Variants in KSR2 observed in about 807,000 individuals in gnomAD.
KSR2 encodes the protein kinase suppressor of ras 2.
In KSR2, 25 loss-of-function variants were observed where a neutral mutation model predicts 107.8. That is an observed-to-expected ratio of 0.23 (90% confidence interval 0.17 to 0.32). The LOEUF is 0.32. Among genes scored for constraint, KSR2 ranks in the 10% least tolerant of loss-of-function variants. The pLI, the probability that KSR2 is intolerant of heterozygous loss-of-function variation, is 1.00. For missense variants in KSR2, 887 were observed against 1,268.9 expected, an observed-to-expected ratio of 0.70 and a Z score of 4.57; for synonymous variants, 480 against 507.0, an observed-to-expected ratio of 0.95 and a Z score of 0.71.
Position 117,454,650 on chromosome 12 carries a change from AC to A in KSR2, c.*12548del, listed in dbSNP as rs1344257945. 8 of 152,070 alleles carry A rather than the reference AC, an allele frequency of 5.3e-5. No homozygotes were observed. Among genetic ancestry groups the A allele is most frequent in the Middle Eastern group, 3.2e-3 (1 of 316 alleles). The allele number at this position is 152,070 out of a possible 1,614,324, so 9.4% of individuals were successfully genotyped here. ...TCATACCTGAAATGTTTAGTTAGAG[AC>A]CCTCAGTGTAGGGTCTTTCCATAAA... On this transcript the variant is annotated 3_prime_UTR_variant, in exon 20 of 20. Coordinates refer to ENST00000339824, the MANE Select transcript of KSR2 (RefSeq NM_173598.6).
At chr12:117,941,613 CTTTTTTTTTTTT>C (rs139487553) in intron 1 of KSR2, among the ~76,000 whole-genome samples, 2 of 52,924 alleles carry the variant, frequency 3.8e-5, no homozygotes, top group Non-Finnish European at 6.4e-5. Context: ...ACAGGCTTTC[CTTTTTTTTTTTT>C]TTTTTTTTTT....
intron 5 of KSR2, among the ~76,000 whole-genome samples, chr12:117,604,696 T>C (rs1359315139): frequency 6.6e-6 from 1 of 152,152 alleles, no homozygotes; most frequent in Non-Finnish European, 1.5e-5. Context: ...TTAATTCAAC[T>C]ATATATAATC....
chr12:117,586,168 T>G lies in KSR2; in HGVS notation c.1172-3809A>C, dbSNP rs527323111. Among the ~76,000 whole-genome samples, 3 of 152,126 alleles carry G rather than the reference T, an allele frequency of 2.0e-5. No homozygotes were observed. The South Asian group carries it at 6.2e-4, about 32-fold the overall frequency. The stretch of plus-strand genomic sequence containing the variant: ...AAATCAGGCTCTGACCTGGTGAATT[T>G]GAAAGCTCCCTGACGGATGAGCTAG... On this transcript the variant is annotated intron_variant, in intron 5 of 19. Coordinates refer to ENST00000339824, the MANE Select transcript of KSR2 (RefSeq NM_173598.6).
chr12:117,848,449 G>A (rs1892777087), intron 3 of KSR2, among the ~76,000 whole-genome samples: 1 of 152,222 alleles, frequency 6.6e-6, no homozygotes. Context: ...TAACCACGGA[G>A]GAAAACTAGG....
intron 3 of KSR2, among the ~76,000 whole-genome samples, chr12:117,784,138 C>G (rs144163028): frequency 1.5e-3 from 225 of 152,156 alleles, no homozygotes; most frequent in Non-Finnish European, 2.7e-3. Context: ...TATGAATAAT[C>G]CCCATCACTC....
intron 1 of KSR2, among the ~76,000 whole-genome samples, chr12:117,964,014 CAGTGGCTCACG>C (rs1896728014): frequency 6.6e-6 from 1 of 152,198 alleles, no homozygotes; most frequent in Non-Finnish European, 1.5e-5. Flanking sequence ...GGGCCGGGTG[CAGTGGCTCACG>C]CCTGCACTTT....
intron 5 of KSR2, among the ~76,000 whole-genome samples, chr12:117,655,711 A>T (rs1195695758): frequency 6.6e-6 from 1 of 152,176 alleles, no homozygotes; most frequent in African/African-American, 2.4e-5. Flanking sequence ...TAAAATTACC[A>T]CCTGGACACT....
chr12:117,593,057 AGAG>A (rs1880418503), intron 5 of KSR2, among the ~76,000 whole-genome samples: 1 of 152,184 alleles, frequency 6.6e-6, no homozygotes, highest in South Asian at 2.1e-4. Context: ...TGGTCTGGAA[AGAG>A]GAGAGCAGCC....
At chr12:117,840,039 A>T (rs1226513757) in intron 3 of KSR2, among the ~76,000 whole-genome samples, 1 of 152,234 alleles carries the variant, frequency 6.6e-6, no homozygotes, top group Non-Finnish European at 1.5e-5. Context: ...AGCTATGCTA[A>T]ATATCCAAGT....
chr12:117,828,939 G>T (rs1182163325), intron 3 of KSR2, among the ~76,000 whole-genome samples: 1 of 152,322 alleles, frequency 6.6e-6, no homozygotes, highest in South Asian at 2.1e-4. Context: ...AGGATGACAT[G>T]GTTCTGAAGA....
chr12:117,810,150 T>C (rs1016803699), intron 3 of KSR2, among the ~76,000 whole-genome samples: 1 of 152,170 alleles, frequency 6.6e-6, no homozygotes, highest in Non-Finnish European at 1.5e-5. Flanking sequence ...TTTGTTTTTT[T>C]TGTCTTTTGT....
At chr12:117,918,161 C>A (rs1246697881) in intron 1 of KSR2, among the ~76,000 whole-genome samples, 1 of 152,204 alleles carries the variant, frequency 6.6e-6, no homozygotes, top group African/African-American at 2.4e-5. Context: ...CAGGCAGTTG[C>A]CTTTCAGACT....
intron 5 of KSR2, among the ~76,000 whole-genome samples, chr12:117,666,859 TAGAGAAGATTA>T: frequency 6.6e-6 from 1 of 152,222 alleles, no homozygotes; most frequent in East Asian, 1.9e-4. Context: ...GGCCTCTGGG[TAGAGAAGATTA>T]AACCAGCCCT....
chr12:117,595,990 G>A (rs535427719), intron 5 of KSR2, among the ~76,000 whole-genome samples: 2 of 152,144 alleles, frequency 1.3e-5, no homozygotes, highest in African/African-American at 4.8e-5. Flanking sequence ...CACATCAGTT[G>A]AGCCCCTGGA....
intron 3 of KSR2, among the ~76,000 whole-genome samples, chr12:117,825,230 A>G (rs1891698527): frequency 6.6e-6 from 1 of 152,300 alleles, no homozygotes; most frequent in East Asian, 1.9e-4. Context: ...TCAATGGATG[A>G]TTGATGGGTA....
intron 5 of KSR2, among the ~76,000 whole-genome samples, chr12:117,591,428 C>T (rs1349518494): frequency 6.6e-6 from 1 of 152,004 alleles, no homozygotes; most frequent in East Asian, 1.9e-4. Context: ...ATAGCTGAGA[C>T]CTGGGGGAGT....
intron 1 of KSR2, among the ~76,000 whole-genome samples, chr12:117,945,181 G>C (rs1345385941): frequency 6.6e-6 from 1 of 152,020 alleles, no homozygotes; most frequent in East Asian, 1.9e-4. Flanking sequence ...AATCAGCAAG[G>C]ATATCAAGGA....
rs184484905 is a variant in KSR2 at position 117,527,494 on chromosome 12, A to G, written c.1803-375T>C. ...AAATTGGCCTAAATGCCCTGGGTAG[A>G]TAAGTCCTCAGAGCTGTATATGTTT... is the stretch of plus-strand genomic sequence containing the variant. On this transcript the variant is annotated intron_variant, in intron 12 of 19. Coordinates refer to ENST00000339824, the MANE Select transcript of KSR2 (RefSeq NM_173598.6). Among the ~76,000 whole-genome samples, 353 of 152,342 alleles carry G rather than the reference A, an allele frequency of 2.3e-3. 1 individual carries two copies. The highest frequency in any genetic ancestry group is 8.1e-3 in the African/African-American group (335 of 41,580).
At chr12:117,746,209 G>C (rs376308648) in intron 4 of KSR2, among the ~76,000 whole-genome samples, 23 of 152,254 alleles carry the variant, frequency 1.5e-4, no homozygotes, top group African/African-American at 5.5e-4. Context: ...AACCAAAACA[G>C]CATGGTACTG....
Sources: gnomAD v4.1 joint callset for allele counts (sites outside exome capture counted in the v4.1 genomes callset) on GRCh38, gnomAD v4.1.1 for gene constraint, MANE v1.5 for transcripts, NCBI Gene and HGNC (gene_info 2026-07-23, HGNC 2026-07-21) for gene names.